The following SIDT1 variants were observed in gnomAD, a reference collection of about 807,000 sequenced individuals.
SIDT1 encodes the protein SID1 transmembrane family member 1.
In SIDT1, 101 loss-of-function variants were observed where a neutral mutation model predicts 107.5. The observed-to-expected ratio is 0.94, with a 90% confidence interval of 0.80 to 1.11. The LOEUF (loss-of-function observed/expected upper bound fraction) is 1.11, where lower values mean the gene tolerates loss of function less well. Among genes scored for constraint, SIDT1 ranks in the 50% least tolerant of loss-of-function variants. The pLI is 0.00. For synonymous variants in SIDT1, 395 were observed against 398.2 expected (o/e 0.99, Z 0.10); for missense variants, 1,076 against 1,058.2 (o/e 1.02, Z -0.23).
At chr3:113,534,141 G>C (rs557639520) in intron 1 of SIDT1, among the ~76,000 whole-genome samples, 1 of 152,220 alleles carries the variant, frequency 6.6e-6, no homozygotes, top group East Asian at 1.9e-4. Flanking sequence ...CCAACCTCTG[G>C]ATCTTCTTCC....
rs1044771110 is a variant in SIDT1, at chr3:113,588,527, G to A, written c.1001+3257G>A. ...ATAAAAAACATTGATCAGAGACATG[G>A]CCCTTGCCATCAGGGAGGTAAGAAT... is the stretch of plus-strand genomic sequence containing the variant. On this transcript the variant is annotated intron_variant, in intron 9 of 24. Transcript: ENST00000264852. Among the ~76,000 whole-genome samples, 3 of 152,174 alleles carry A rather than the reference G, an allele frequency of 2.0e-5. No homozygotes were observed. The East Asian group carries it at 5.8e-4, about 29-fold the overall frequency.
At chr3:113,581,928 C>T (rs9844542) in intron 6 of SIDT1, 37,993 of 153,948 alleles carry the variant, frequency 0.25, 5,158 homozygotes, top group East Asian at 0.59. Context: ...CCTCTTTCCC[C>T]TTGACAATTA....
At chr3:113,584,657 A>C (rs762329555) in intron 7 of SIDT1, 41 bp from the exon 8 acceptor site, 20 of 1,406,918 alleles carry the variant, frequency 1.4e-5, no homozygotes, top group Non-Finnish European at 2.0e-5. Flanking sequence ...TCATTATCTG[A>C]TTCAATGTGC....
At chr3:113,571,267 A>C (rs1341678232) in intron 3 of SIDT1, among the ~76,000 whole-genome samples, 1 of 152,038 alleles carries the variant, frequency 6.6e-6, no homozygotes, top group Non-Finnish European at 1.5e-5. Context: ...AAACCAAAAA[A>C]ATTAGCCAGA....
At chr3:113,612,336 A>C (rs1038486377) in intron 19 of SIDT1, 142 bp downstream of exon 19, 1 of 707,374 alleles carries the variant, frequency 1.4e-6, no homozygotes, top group Non-Finnish European at 2.6e-6. Flanking sequence ...TTAATAGCAC[A>C]TATTCGCTCC....
At chr3:113,626,268 T>TA in intron 24 of SIDT1, 53 bp downstream of exon 24, 1 of 1,209,186 alleles carries the variant, frequency 8.3e-7, no homozygotes, top group Admixed American at 1.9e-5. Flanking sequence ...CATCTTGTAC[T>TA]CTCTTTTTCT....
At chr3:113,587,011 C>T (rs941392011) in intron 9 of SIDT1, among the ~76,000 whole-genome samples, 3 of 152,064 alleles carry the variant, frequency 2.0e-5, no homozygotes, top group Non-Finnish European at 4.4e-5. Flanking sequence ...ATTGACAAAA[C>T]TGGAATACAG....
intron 23 of SIDT1, 58 bp from the exon 24 acceptor site, chr3:113,626,044 C>T: frequency 8.2e-7 from 1 of 1,214,808 alleles, no homozygotes; most frequent in Non-Finnish European, 1.2e-6. Flanking sequence ...GGACGTTCAA[C>T]TCTTTGAACA....
chr3:113,584,803 T>A (rs758324983), intron 8 of SIDT1, 34 bp downstream of exon 8: 17 of 1,407,856 alleles, frequency 1.2e-5, no homozygotes, highest in Non-Finnish European at 1.6e-5. Flanking sequence ...TTGAAGAGAT[T>A]CCTGTGTCAG....
chr3:113,566,898 C>A (rs1016098599), intron 2 of SIDT1, among the ~76,000 whole-genome samples: 3 of 152,134 alleles, frequency 2.0e-5, no homozygotes, highest in African/African-American at 7.2e-5. Flanking sequence ...AAATGCCCAT[C>A]GTGTGTTTGC....
At chr3:113,617,887 C>T (rs1946213416) in intron 20 of SIDT1, among the ~76,000 whole-genome samples, 1 of 152,174 alleles carries the variant, frequency 6.6e-6, no homozygotes, top group Non-Finnish European at 1.5e-5. Flanking sequence ...ATTTCCAAAC[C>T]ACAGTGGTAC....
chr3:113,533,884 A>T (rs1937774824), intron 1 of SIDT1, among the ~76,000 whole-genome samples: 1 of 152,196 alleles, frequency 6.6e-6, no homozygotes, highest in Non-Finnish European at 1.5e-5. Flanking sequence ...TTAAATAAGG[A>T]TGGATAATTG....
At chr3:113,551,821 A>AGG (rs200138667) in intron 1 of SIDT1, among the ~76,000 whole-genome samples, 27 of 136,176 alleles carry the variant, frequency 2.0e-4, no homozygotes, top group African/African-American at 6.8e-4. Flanking sequence ...GTAAAGTTTT[A>AGG]GGGGTGTGTG....
At chr3:113,544,550 T>G (rs1939353629) in intron 1 of SIDT1, among the ~76,000 whole-genome samples, 1 of 152,212 alleles carries the variant, frequency 6.6e-6, no homozygotes, top group South Asian at 2.1e-4. Context: ...TTTCTTTGTC[T>G]TTCAGGAGTT....
intron 8 of SIDT1, 30 bp from the exon 9 acceptor site, chr3:113,585,147 A>G (rs779215938): frequency 6.7e-7 from 1 of 1,502,734 alleles, no homozygotes; most frequent in Non-Finnish European, 9.3e-7. Flanking sequence ...GCAGAGGATG[A>G]CCTGACCAAA....
At chr3:113,562,525 AT>A (rs1560038631) in intron 1 of SIDT1, among the ~76,000 whole-genome samples, 1 of 152,250 alleles carries the variant, frequency 6.6e-6, no homozygotes, top group Non-Finnish European at 1.5e-5. Flanking sequence ...GCAATGTAAT[AT>A]TATTTAGTAA....
chr3:113,574,766 T>C (rs1158546609), intron 3 of SIDT1, among the ~76,000 whole-genome samples: 1 of 152,096 alleles, frequency 6.6e-6, no homozygotes, highest in Non-Finnish European at 1.5e-5. Context: ...AACAAAATTG[T>C]TTTTTAGCCT....
In SIDT1 at chr3:113,592,697, C is replaced by A. The variant is rs565246121; in HGVS notation, c.1002-308C>A. ...CCACCTCCTGGGTTCAAGCAATTCT[C>A]CTGCCTCAGCCTCCCAAGTAGCTGG... On this transcript the variant is annotated intron_variant, in intron 9 of 24. Transcript: ENST00000264852. 1.2e-4 allele frequency: 38 copies of A among 312,552 alleles called. 1 individual carries two copies. In the Admixed American group the frequency reaches 1.4e-3, roughly 12 times the overall value. The allele number at this position is 312,552 out of a possible 1,614,324, so 19.4% of individuals were successfully genotyped here.
At chr3:113,555,708 C>T (rs905835631) in intron 1 of SIDT1, among the ~76,000 whole-genome samples, 4 of 152,090 alleles carry the variant, frequency 2.6e-5, no homozygotes, top group East Asian at 1.9e-4. Flanking sequence ...TACAAAATGC[C>T]GAGAATTTAA....
Sources: allele counts gnomAD v4.1 joint callset (sites outside exome capture counted in the v4.1 genomes callset), GRCh38; gene constraint gnomAD v4.1.1; transcripts MANE v1.5; gene names NCBI Gene and HGNC (gene_info 2026-07-23, HGNC 2026-07-21).